CCDC7: variants seen among roughly 807,000 people sequenced by gnomAD.
CCDC7 encodes coiled-coil domain containing 7.
A neutral mutation model predicts 196.9 loss-of-function variants in CCDC7; 183 were observed. The observed-to-expected ratio is 0.93, with a 90% CI of 0.82 to 1.05. The LOEUF (loss-of-function observed/expected upper bound fraction) is 1.05. Among genes scored for constraint, CCDC7 ranks in the 50% least tolerant of loss-of-function variants. The probability of loss-of-function intolerance (pLI) is 0.00; values close to 1 mark genes in which losing one functional copy is unlikely to be tolerated. For synonymous variants in CCDC7, 525 were observed against 484.6 expected, an observed-to-expected ratio of 1.08 and a Z score of -1.10; for missense variants, 1,540 against 1,482.2, an observed-to-expected ratio of 1.04 and a Z score of -0.64.
At chr10:32,866,140 T>G (rs942153137) in intron 41 of CCDC7, among the ~76,000 whole-genome samples, 1 of 151,750 alleles carries the variant, frequency 6.6e-6, no homozygotes, top group Non-Finnish European at 1.5e-5. Flanking sequence ...ATGGCTGACA[T>G]AAATAGAAAA....
intron 9 of CCDC7, among the ~76,000 whole-genome samples, chr10:32,509,496 G>A (rs2045761741): frequency 7.4e-6 from 1 of 134,256 alleles, no homozygotes; most frequent in African/African-American, 2.8e-5. Flanking sequence ...TCTGGGCAAT[G>A]ATTTTTTTGG....
At chr10:32,574,556 T>C (rs1435741446) in intron 16 of CCDC7, 5 of 1,293,146 alleles carry the variant, frequency 3.9e-6, no homozygotes, top group Non-Finnish European at 5.0e-6. Context: ...ACATTTTTGC[T>C]CTTTACAACA....
At chr10:32,547,143 A>G (rs1290944661) in intron 13 of CCDC7, among the ~76,000 whole-genome samples, 1 of 151,924 alleles carries the variant, frequency 6.6e-6, no homozygotes, top group African/African-American at 2.4e-5. Context: ...TCACCCTCCC[A>G]GGTATCTAGG....
intron 41 of CCDC7, among the ~76,000 whole-genome samples, chr10:32,857,852 G>GA (rs2093812740): frequency 6.6e-6 from 1 of 150,448 alleles, no homozygotes; most frequent in Non-Finnish European, 1.5e-5. Flanking sequence ...TGCTTTTTTT[G>GA]AAAAAAATAA....
At chr10:32,574,267 T>A (rs2057925924) in intron 16 of CCDC7, among the ~76,000 whole-genome samples, 1 of 149,890 alleles carries the variant, frequency 6.7e-6, no homozygotes, top group South Asian at 2.1e-4. Flanking sequence ...CTTGATAGGT[T>A]TTATAGAATT....
chr10:32,670,049 G>T (rs963409784), intron 21 of CCDC7, among the ~76,000 whole-genome samples: 2 of 152,092 alleles, frequency 1.3e-5, no homozygotes, highest in Non-Finnish European at 2.9e-5. Context: ...TTGTAAGAGG[G>T]ATTGGATACT....
intron 25 of CCDC7, among the ~76,000 whole-genome samples, chr10:32,713,653 A>G (rs369217841): frequency 6.6e-6 from 1 of 152,274 alleles, no homozygotes; most frequent in African/African-American, 2.4e-5. Context: ...TGGGACCACC[A>G]TGGCTCACTA....
At chr10:32,839,174 C>T (rs1011545491) in intron 33 of CCDC7, among the ~76,000 whole-genome samples, 5 of 151,828 alleles carry the variant, frequency 3.3e-5, no homozygotes, top group African/African-American at 1.2e-4. Context: ...CTAAATGCTG[C>T]ACTTAAAAGA....
At chr10:32,791,535 A>T (rs780314760) in intron 29 of CCDC7, among the ~76,000 whole-genome samples, 2 of 152,004 alleles carry the variant, frequency 1.3e-5, no homozygotes, top group Non-Finnish European at 2.9e-5. Context: ...TATTATTTTA[A>T]AAAGGAGATA....
intron 25 of CCDC7, among the ~76,000 whole-genome samples, chr10:32,715,447 C>G (rs1401278091): frequency 1.3e-5 from 2 of 152,144 alleles, no homozygotes; most frequent in Non-Finnish European, 2.9e-5. Context: ...TGAGTAAAAA[C>G]CAGTGCAAAA....
chr10:32,466,848 C>A lies in CCDC7; in HGVS notation c.510+3799C>A, dbSNP rs898601297. 2.6e-5 allele frequency among the ~76,000 whole-genome samples: 4 copies of A among 152,286 alleles called. No homozygotes were observed. In the East Asian group the frequency reaches 7.7e-4, roughly 29 times the overall value. ...TTTTTAGATATTTGAGGAATCATCA[C>A]ACTGTTTTCCACAGCAGGCAACTAA... On this transcript the variant is annotated intron_variant, in intron 5 of 41. Coordinates refer to ENST00000639629, the Ensembl canonical transcript of CCDC7.
chr10:32,599,519 G>A (rs909213235), intron 18 of CCDC7, among the ~76,000 whole-genome samples: 2 of 151,928 alleles, frequency 1.3e-5, no homozygotes, highest in Non-Finnish European at 2.9e-5. Flanking sequence ...CATCTTCATT[G>A]TGTTTCATTG....
chr10:32,712,980 A>G (rs371485432), intron 25 of CCDC7, among the ~76,000 whole-genome samples: 1 of 152,194 alleles, frequency 6.6e-6, no homozygotes, highest in South Asian at 2.1e-4. Flanking sequence ...CAGAGTGTTA[A>G]TACTGGTTTT....
chr10:32,579,484 C>G (rs1454424391), intron 16 of CCDC7, among the ~76,000 whole-genome samples: 1 of 152,128 alleles, frequency 6.6e-6, no homozygotes, highest in South Asian at 2.1e-4. Context: ...ATTATATAAT[C>G]TGAGAAAGAA....
At chr10:32,477,127 A>G (rs1220441676) in intron 8 of CCDC7, among the ~76,000 whole-genome samples, 1 of 152,086 alleles carries the variant, frequency 6.6e-6, no homozygotes, top group Non-Finnish European at 1.5e-5. Context: ...TTCAAACCCA[A>G]AGTTACCTAG....
At chr10:32,450,561 G>T (rs1209173949), upstream of CCDC7, among the ~76,000 whole-genome samples, 1 of 152,096 alleles carries the variant, frequency 6.6e-6, no homozygotes, top group Admixed American at 6.5e-5. Context: ...AATTCCCACG[G>T]TTAGGCATAT....
intron 11 of CCDC7, among the ~76,000 whole-genome samples, chr10:32,519,926 A>ATTGTT (rs1251504816): frequency 6.6e-6 from 1 of 151,996 alleles, no homozygotes; most frequent in Admixed American, 6.6e-5. Context: ...CATGAGTTCA[A>ATTGTT]TTGTTTTGAT....
At chr10:32,755,934 C>T (rs1202155378) in intron 28 of CCDC7, among the ~76,000 whole-genome samples, 1 of 152,068 alleles carries the variant, frequency 6.6e-6, no homozygotes, top group South Asian at 2.1e-4. Flanking sequence ...AGCAGAAAAC[C>T]ATGGCACGAG....
intron 18 of CCDC7, among the ~76,000 whole-genome samples, chr10:32,594,980 C>T (rs140435397): frequency 0.043 from 6,488 of 152,098 alleles, 140 homozygotes; most frequent in Middle Eastern, 0.055. Flanking sequence ...TTTGCATCAA[C>T]GTTCATCAGG....
Sources: gnomAD v4.1 joint callset for allele counts (sites outside exome capture counted in the v4.1 genomes callset) on GRCh38, gnomAD v4.1.1 for gene constraint, MANE v1.5 for transcripts, NCBI Gene and HGNC (gene_info 2026-07-23, HGNC 2026-07-21) for gene names.